Variants in DAB1 observed in about 807,000 individuals in gnomAD.
DAB1 encodes the protein disabled homolog 1.
In DAB1, 15 loss-of-function variants were observed where a neutral mutation model predicts 64.6. The ratio of observed to expected loss-of-function variants is 0.23; its 90% CI spans 0.16 to 0.36. The LOEUF is 0.36. Among genes scored for constraint, DAB1 ranks in the 10% least tolerant of loss-of-function variants. DAB1 has a pLI of 1.00. For synonymous variants in DAB1, 235 were observed against 251.9 expected, an observed-to-expected ratio of 0.93 and a Z score of 0.64; for missense variants, 596 against 706.7, an observed-to-expected ratio of 0.84 and a Z score of 1.78.
chr1:58,459,330 G>T (rs1268774347), intron 3 of DAB1, among the ~76,000 whole-genome samples: 1 of 152,372 alleles, frequency 6.6e-6, no homozygotes, highest in African/African-American at 2.4e-5. Flanking sequence ...AGGATCTCTT[G>T]CAAGGTTGCA....
At chr1:57,911,789 T>G (rs1195414227) in intron 5 of DAB1, among the ~76,000 whole-genome samples, 1 of 152,218 alleles carries the variant, frequency 6.6e-6, no homozygotes, top group Non-Finnish European at 1.5e-5. Context: ...CCCTCAGTAG[T>G]GCAGCTTAGC....
At position 57,289,534 on chromosome 1, in the gene DAB1, A is replaced by G. The variant is rs182045150; in HGVS notation, c.67+1430T>C. ...TTAGGGAACAAAATAGACTGCCTCCAAAGTATTTGTGTTTCAAATAAACAT... is the reference window on the plus strand; with the variant it reads ...TTAGGGAACAAAATAGACTGCCTCCGAAGTATTTGTGTTTCAAATAAACAT... On this transcript the variant is annotated intron_variant, in intron 2 of 14. Transcript: ENST00000371236. 8.3e-3 allele frequency among the ~76,000 whole-genome samples: 1,261 copies of G among 152,346 alleles called. 16 individuals are homozygous for G. The highest frequency in any genetic ancestry group is 0.014 in the Non-Finnish European group (932 of 68,032).
At chr1:57,679,137 C>T (rs1054971597) in intron 6 of DAB1, among the ~76,000 whole-genome samples, 1 of 152,112 alleles carries the variant, frequency 6.6e-6, no homozygotes, top group African/African-American at 2.4e-5. Flanking sequence ...AGTTTAACAA[C>T]TTGCTCAAAT....
At chr1:57,960,885 C>T (rs1433781565) in intron 5 of DAB1, among the ~76,000 whole-genome samples, 1 of 152,222 alleles carries the variant, frequency 6.6e-6, no homozygotes, top group Non-Finnish European at 1.5e-5. Context: ...GCCAGAGAAC[C>T]AGGCATGCAA....
intron 4 of DAB1, among the ~76,000 whole-genome samples, chr1:57,128,586 T>TA (rs1201099117): frequency 1.3e-5 from 2 of 152,020 alleles, no homozygotes; most frequent in East Asian, 1.9e-4. Flanking sequence ...TCTGGCCCTT[T>TA]AAAAAAAAGT....
chr1:58,176,270 C>T (rs773360391), intron 4 of DAB1, among the ~76,000 whole-genome samples: 4 of 152,124 alleles, frequency 2.6e-5, no homozygotes, highest in Non-Finnish European at 5.9e-5. Context: ...AAAGTACAGA[C>T]TGGCAAAAAG....
chr1:58,071,777 G>A (rs1649279156), intron 5 of DAB1: 1 of 152,104 alleles, frequency 6.6e-6, no homozygotes, highest in Non-Finnish European at 1.5e-5. Context: ...AGAATCACAG[G>A]ATCTTAGGAC....
intron 2 of DAB1, among the ~76,000 whole-genome samples, chr1:57,280,769 ATGC>A (rs1233097075): frequency 6.6e-6 from 1 of 152,156 alleles, no homozygotes; most frequent in African/African-American, 2.4e-5. Context: ...GGAATTTTGA[ATGC>A]CACATAATAA....
chr1:58,378,750 T>C (rs1273716441), intron 3 of DAB1, among the ~76,000 whole-genome samples: 14 of 107,930 alleles, frequency 1.3e-4, no homozygotes, highest in African/African-American at 5.4e-4. Flanking sequence ...TAAGCAAGCC[T>C]GGGCAATGGC....
intron 6 of DAB1, among the ~76,000 whole-genome samples, chr1:57,695,256 AGAAGGAAG>A (rs1175021391): frequency 3.1e-5 from 1 of 32,336 alleles, no homozygotes; most frequent in Non-Finnish European, 4.8e-5. Flanking sequence ...AAAGAAAGAA[AGAAGGAAG>A]GAAGGAAGGA....
chr1:58,088,818 AG>A, intron 5 of DAB1, among the ~76,000 whole-genome samples: 1 of 152,200 alleles, frequency 6.6e-6, no homozygotes, highest in Non-Finnish European at 1.5e-5. Flanking sequence ...TCAGACATCA[AG>A]GCTACAACAC....
chr1:57,495,306 T>C (rs1644217406), intron 7 of DAB1, among the ~76,000 whole-genome samples: 1 of 152,200 alleles, frequency 6.6e-6, no homozygotes, highest in Non-Finnish European at 1.5e-5. Context: ...ATGACAATAA[T>C]TTCTTGTCAC....
chr1:57,001,235 C>T lies in DAB1; in HGVS notation c.*16-3107G>A, dbSNP rs1411006. 2.4e-3 allele frequency among the ~76,000 whole-genome samples: 367 copies of T among 152,286 alleles called. 2 individuals carry two copies. Among genetic ancestry groups the T allele is most frequent in the African/African-American group, 8.5e-3 (354 of 41,564 alleles). On this transcript the variant is annotated intron_variant, in intron 14 of 14. Transcript: ENST00000371236. Reference sequence around the variant, plus strand: ...CATAACGGGGTCTTTGAGCTATTTTCAAAATTCCAAAAGCCTAAATGGAAT... The same window carrying T: ...CATAACGGGGTCTTTGAGCTATTTTTAAAATTCCAAAAGCCTAAATGGAAT...
chr1:57,717,775 T>C (rs1924261), intron 6 of DAB1, among the ~76,000 whole-genome samples: 45,755 of 151,972 alleles, frequency 0.3, 7,085 homozygotes, highest in East Asian at 0.46. Flanking sequence ...CTATGAAATA[T>C]TATTCAGCCA....
At chr1:57,759,236 C>A (rs1648961288) in intron 6 of DAB1, among the ~76,000 whole-genome samples, 2 of 152,134 alleles carry the variant, frequency 1.3e-5, no homozygotes, top group South Asian at 4.1e-4. Flanking sequence ...GGGAGCCACA[C>A]TGTCTGGGAT....
chr1:57,239,936 A>G (rs576815271), intron 2 of DAB1, among the ~76,000 whole-genome samples: 41 of 152,344 alleles, frequency 2.7e-4, no homozygotes, highest in African/African-American at 9.9e-4. Flanking sequence ...TCATAGATGA[A>G]AAAGGAAACA....
intron 9 of DAB1, among the ~76,000 whole-genome samples, chr1:57,046,169 G>A (rs1051901073): frequency 1.3e-5 from 2 of 152,114 alleles, no homozygotes; most frequent in East Asian, 1.9e-4. Context: ...CAGATCTATC[G>A]AATTGGGGCT....
chr1:57,906,870 T>G (rs572990209), intron 5 of DAB1, among the ~76,000 whole-genome samples: 1 of 152,254 alleles, frequency 6.6e-6, no homozygotes, highest in Admixed American at 6.5e-5. Flanking sequence ...AATGAATAGA[T>G]GTGTATGCAC....
intron 2 of DAB1, among the ~76,000 whole-genome samples, chr1:57,269,988 C>T (rs1168054138): frequency 1.3e-5 from 2 of 152,188 alleles, no homozygotes; most frequent in African/African-American, 2.4e-5. Flanking sequence ...GCTAGGTGAA[C>T]GTCTGACAAT....
Sources: gnomAD v4.1 joint callset for allele counts (sites outside exome capture counted in the v4.1 genomes callset) on GRCh38, gnomAD v4.1.1 for gene constraint, MANE v1.5 for transcripts, NCBI Gene and HGNC (gene_info 2026-07-23, HGNC 2026-07-21) for gene names.